Variants in MITF observed in about 807,000 individuals in gnomAD.
The protein encoded by MITF is melanocyte inducing transcription factor, also known as microphthalmia-associated transcription factor.
In MITF, 17 loss-of-function variants were observed where a neutral mutation model predicts 60.5. The observed-to-expected ratio is 0.28, with a 90% confidence interval of 0.19 to 0.42. MITF has a LOEUF of 0.42. Among genes scored for constraint, MITF ranks in the 10% least tolerant of loss-of-function variants. The pLI, the probability that MITF is intolerant of heterozygous loss-of-function variation, is 1.00. For synonymous variants in MITF, 260 were observed against 248.5 expected (o/e 1.05, Z -0.43); for missense variants, 622 against 683.5 (o/e 0.91, Z 1.00).
chr3:69,897,504 C>CT (rs1284536085), intron 2 of MITF, among the ~76,000 whole-genome samples: 4 of 152,144 alleles, frequency 2.6e-5, no homozygotes, highest in African/African-American at 9.7e-5. Context: ...CTGCTACCAT[C>CT]TTTTTTGGTA....
intron 1 of MITF, among the ~76,000 whole-genome samples, chr3:69,870,995 A>C (rs2064225183): frequency 6.6e-6 from 1 of 152,202 alleles, no homozygotes; most frequent in Non-Finnish European, 1.5e-5. Context: ...GGCTTAAGAA[A>C]AAATGGAGTT....
At chr3:69,911,424 T>G (rs1393974719) in intron 2 of MITF, among the ~76,000 whole-genome samples, 1 of 152,118 alleles carries the variant, frequency 6.6e-6, no homozygotes, top group Non-Finnish European at 1.5e-5. Flanking sequence ...TGCCTCTGCC[T>G]CCCCAGTAGC....
intron 1 of MITF, among the ~76,000 whole-genome samples, chr3:69,848,959 T>TC (rs1559672300): frequency 2.1e-5 from 1 of 47,942 alleles, no homozygotes; most frequent in African/African-American, 5.2e-5. Flanking sequence ...AGATTCTTCT[T>TC]TTTTTTTTTT....
intron 1 of MITF, among the ~76,000 whole-genome samples, chr3:69,825,948 A>G (rs2063347330): frequency 1.3e-5 from 2 of 152,322 alleles, no homozygotes; most frequent in South Asian, 4.1e-4. Flanking sequence ...TTGGAAAAAT[A>G]TGATATATAC....
At chr3:69,953,649 A>ATG (rs2066317841) in intron 7 of MITF, among the ~76,000 whole-genome samples, 29 of 132,804 alleles carry the variant, frequency 2.2e-4, no homozygotes, top group African/African-American at 7.7e-4. Flanking sequence ...ATATGTATGT[A>ATG]TATATATATA....
chr3:69,817,565 T>A (rs1328745203), intron 1 of MITF, among the ~76,000 whole-genome samples: 2 of 151,898 alleles, frequency 1.3e-5, no homozygotes, highest in African/African-American at 4.8e-5. Flanking sequence ...AACATGAAGT[T>A]TAGGAAAACA....
intron 1 of MITF, among the ~76,000 whole-genome samples, chr3:69,788,661 C>G (rs2062690946): frequency 6.6e-6 from 1 of 152,102 alleles, no homozygotes; most frequent in East Asian, 1.9e-4. Flanking sequence ...GAAAGAAGAA[C>G]AAATTTGAAG....
At chr3:69,938,749 A>C in intron 3 of MITF, 3 of 1,309,048 alleles carry the variant, frequency 2.3e-6, no homozygotes, top group Non-Finnish European at 2.9e-6. Context: ...CCAAATTATG[A>C]GATGATGAGC....
intron 1 of MITF, among the ~76,000 whole-genome samples, chr3:69,853,999 G>A (rs1240152605): frequency 4.6e-5 from 7 of 151,544 alleles, no homozygotes; most frequent in East Asian, 1.9e-4. Flanking sequence ...ACAGGTGCAC[G>A]CCACCACGCC....
At chr3:69,849,865 A>G (rs2063796407) in intron 1 of MITF, among the ~76,000 whole-genome samples, 1 of 152,148 alleles carries the variant, frequency 6.6e-6, no homozygotes, top group South Asian at 2.1e-4. Context: ...CTCAATCTTC[A>G]GGACTTCTTT....
chr3:69,749,819 C>T (rs902160298), intron 1 of MITF, among the ~76,000 whole-genome samples: 9 of 152,104 alleles, frequency 5.9e-5, no homozygotes, highest in African/African-American at 1.7e-4. Context: ...CTTGTATCAT[C>T]TCAGCGTGGT....
chr3:69,796,517 T>TTTTTTTTTTTTG (rs1265319379), intron 1 of MITF, among the ~76,000 whole-genome samples: 1 of 117,288 alleles, frequency 8.5e-6, no homozygotes, highest in Non-Finnish European at 1.9e-5. Flanking sequence ...TTTTTTTTTT[T>TTTTTTTTTTTTG]GAGACGGAGT....
intron 2 of MITF, among the ~76,000 whole-genome samples, chr3:69,920,483 G>T (rs991397222): frequency 6.6e-6 from 1 of 152,126 alleles, no homozygotes; most frequent in Non-Finnish European, 1.5e-5. Flanking sequence ...CTGTACACCT[G>T]GCTCTGCCTT....
At chr3:69,746,827 G>A (rs1466411038) in intron 1 of MITF, among the ~76,000 whole-genome samples, 1 of 152,202 alleles carries the variant, frequency 6.6e-6, no homozygotes, top group Non-Finnish European at 1.5e-5. Flanking sequence ...CCACAGGGAG[G>A]TCTGGGATCT....
chr3:69,854,732 T>C (rs1415886896), intron 1 of MITF, among the ~76,000 whole-genome samples: 1 of 152,178 alleles, frequency 6.6e-6, no homozygotes, highest in African/African-American at 2.4e-5. Context: ...ATACTGTGCA[T>C]TGTAGGATGT....
At position 69,739,514 on chromosome 3, in the gene MITF, G is replaced by A. The variant is rs974684348; in HGVS notation, c.-84G>A. 3.1e-6 allele frequency: 4 copies of A among 1,288,532 alleles called. No individual in the cohort carries two copies. In the South Asian group the frequency reaches 3.8e-5, roughly 12 times the overall value. 79.8% of individuals were successfully genotyped at this position (1,288,532 alleles called of 1,614,324 possible). On this transcript the variant is annotated 5_prime_UTR_variant, in exon 1 of 10. Coordinates refer to ENST00000352241, the MANE Select transcript of MITF (RefSeq NM_001354604.2). ...GGCACTGCGCCGGGGCGCACGGCTC[G>A]GGGGACCCAGGCCCAGCTACCTTCC...
chr3:69,833,757 G>C (rs1185168420), intron 1 of MITF, among the ~76,000 whole-genome samples: 1 of 147,506 alleles, frequency 6.8e-6, no homozygotes, highest in Non-Finnish European at 1.5e-5. Context: ...TATATGTGAT[G>C]GTTTTTCTAT....
intron 1 of MITF, among the ~76,000 whole-genome samples, chr3:69,783,783 G>C (rs1023200363): frequency 6.6e-6 from 1 of 152,082 alleles, no homozygotes; most frequent in African/African-American, 2.4e-5. Context: ...AGGGTCACCT[G>C]GGGATGTGTT....
chr3:69,881,072 T>G (rs1166792979), intron 2 of MITF, among the ~76,000 whole-genome samples: 1 of 152,114 alleles, frequency 6.6e-6, no homozygotes, highest in African/African-American at 2.4e-5. Flanking sequence ...AAATATATTA[T>G]TTTTGAAAAT....
Sources: allele counts gnomAD v4.1 joint callset (sites outside exome capture counted in the v4.1 genomes callset), GRCh38; gene constraint gnomAD v4.1.1; transcripts MANE v1.5; gene names NCBI Gene and HGNC (gene_info 2026-07-23, HGNC 2026-07-21).